Variants in CLASRP observed in about 807,000 individuals in gnomAD.
The protein encoded by CLASRP is CLK4-associating serine/arginine rich protein.
In CLASRP, 52 loss-of-function variants were observed where a neutral mutation model predicts 99.9. The ratio of observed to expected loss-of-function variants is 0.52; its 90% CI spans 0.42 to 0.66. The LOEUF (loss-of-function observed/expected upper bound fraction) is 0.66. Ranked by LOEUF, CLASRP falls within the 30% of genes least tolerant of loss-of-function variation. The pLI is 0.00. For synonymous variants in CLASRP, 379 were observed against 373.0 expected, an observed-to-expected ratio of 1.02 and a Z score of -0.18; for missense variants, 848 against 999.2, an observed-to-expected ratio of 0.85 and a Z score of 2.04.
chr19:45,067,601 G>A lies in CLASRP; in HGVS notation c.1667+7G>A, dbSNP rs1316114451. ...TGGGCGAGAAGCTGAAAAAGTGAGC[G>A]GGGCGGGTCTGGAGGAAGAGGGCTG... is the stretch of plus-strand genomic sequence containing the variant. On this transcript the variant is annotated splice_region_variant and intron_variant, in intron 14 of 20. Transcript: ENST00000221455. The surrounding 1 kb of genome is among the most constrained non-coding windows in gnomAD (Gnocchi z 4.9). 21 of 1,586,526 alleles carry A rather than the reference G, an allele frequency of 1.3e-5. No homozygotes were observed. In the East Asian group the frequency reaches 1.8e-4, roughly 14 times the overall value.
At chr19:45,053,501 G>T (rs186973171) in intron 5 of CLASRP, among the ~76,000 whole-genome samples, 2 of 151,966 alleles carry the variant, frequency 1.3e-5, no homozygotes, top group South Asian at 4.1e-4. Flanking sequence ...TATTTGAGGC[G>T]GAGTTTCGTT....
Position 45,068,506 on chromosome 19 carries a change from G to T in CLASRP, c.1768+26G>T, listed in dbSNP as rs1600117874. ...GTATGTTCTGCCCTGTCCCTCCAGG[G>T]TTTCACAGCTCTTCTTTCCCTTGGC... On this transcript the variant is annotated intron_variant, in intron 16 of 20. Coordinates refer to ENST00000221455, the MANE Select transcript of CLASRP (RefSeq NM_007056.3). The T allele has an allele frequency of 5.8e-6, 9 of 1,561,120 alleles. No individual in the cohort carries two copies. The East Asian group carries it at 1.8e-4, about 31-fold the overall frequency.
At position 45,056,487 on chromosome 19, in the gene CLASRP, T is replaced by C. The variant is rs149858875; in HGVS notation, c.417T>C (p.Asp139=). ...EEQCLYQIYI[D]ELYGGLQRPS... is the part of the protein sequence containing the mutation. ...AGTGCCTGTACCAGATCTACATTGA[T>C]GAGTTGTACGGAGGCCTCCAGAGAC... Residue 139 remains aspartate (D), a synonymous_variant, in exon 6 of 21, where the codon GAT becomes GAC. Coordinates refer to ENST00000221455, the MANE Select transcript of CLASRP (RefSeq NM_007056.3). 635 of 1,613,888 alleles carry C rather than the reference T, an allele frequency of 3.9e-4. No homozygotes were observed. The highest frequency in any genetic ancestry group is 5.0e-4 in the Middle Eastern group (3 of 6,018).
At position 45,064,175 on chromosome 19, in the gene CLASRP, C is replaced by T. The variant is rs1203810814; in HGVS notation, c.1069C>T (p.Pro357Ser). The T allele has an allele frequency of 1.9e-6, 3 of 1,609,640 alleles. No individual in the cohort carries two copies. In the East Asian group the frequency reaches 6.7e-5, roughly 36 times the overall value. Residue 357 changes from proline (P) to serine (S), a missense_variant, in exon 12 of 21, where the codon CCC becomes TCC. Around this residue, in one of 8 missense-constraint regions of CLASRP, gnomAD observed 489 missense variants for 434.7 expected, o/e 1.12. Transcript: ENST00000221455. ...AASGVTTGKP[P>S]APPQPGGPAP... ...ATCAGGAGTCACCACAGGGAAGCCC[C>T]CCGCACCTCCCCAGCCTGGCGGCCC...
In CLASRP at chr19:45,059,285, G is replaced by C. The variant is rs1285341634; in HGVS notation, c.631G>C (p.Asp211His). The C allele has an allele frequency of 6.2e-7, 1 of 1,610,570 alleles. No individual in the cohort carries two copies. Among genetic ancestry groups the C allele is most frequent in the Non-Finnish European group, 8.5e-7 (1 of 1,178,432 alleles). ...IPDIDVEVDV[D>H]ELNQEQVADL... ...TGGTGCAGACGTGGAGGTGGACGTG[G>C]ATGAATTGAACCAGGAGCAGGTGGC... Residue 211 changes from aspartate (D) to histidine (H), a missense_variant, in exon 8 of 21, where the codon GAT becomes CAT. By Grantham distance (81) the Asp-to-His change is moderately conservative. This residue lies in a region of CLASRP where 119 missense variants were observed against 170.2 expected (regional missense o/e 0.70). Coordinates refer to ENST00000221455, the MANE Select transcript of CLASRP (RefSeq NM_007056.3).
intron 11 of CLASRP, among the ~76,000 whole-genome samples, chr19:45,063,699 C>G (rs1055372416): frequency 1.3e-5 from 2 of 152,028 alleles, no homozygotes; most frequent in African/African-American, 4.8e-5. Flanking sequence ...ATCGGCCTGC[C>G]TCGGCCTCCC....
intron 13 of CLASRP, among the ~76,000 whole-genome samples, chr19:45,065,388 C>CAAAGA (rs1456182873): frequency 8.2e-5 from 7 of 84,962 alleles, no homozygotes; most frequent in Non-Finnish European, 1.7e-4. Context: ...GATTCCGTCT[C>CAAAGA]AAAAAAAAAA....
chr19:45,045,700 A>G (rs189483251), intron 2 of CLASRP, among the ~76,000 whole-genome samples: 18 of 152,272 alleles, frequency 1.2e-4, no homozygotes, highest in East Asian at 1.2e-3. Flanking sequence ...TTGGTTGCCA[A>G]TTAATGGTTT....
intron 10 of CLASRP, among the ~76,000 whole-genome samples, chr19:45,061,754 G>A (rs1302030861): frequency 6.6e-6 from 1 of 151,984 alleles, no homozygotes; most frequent in Non-Finnish European, 1.5e-5. Flanking sequence ...GATTACAGGC[G>A]TGAGCCACCG....
At chr19:45,068,130 C>A in intron 15 of CLASRP, 76 bp downstream of exon 15, 1 of 1,414,766 alleles carries the variant, frequency 7.1e-7, no homozygotes, top group Non-Finnish European at 1.0e-6. Context: ...GGTGGGCCTG[C>A]AGGGGGGCCC....
chr19:45,068,946 C>T (rs1312759520), intron 16 of CLASRP, 120 bp from the exon 17 acceptor site: 21 of 914,730 alleles, frequency 2.3e-5, no homozygotes, highest in Admixed American at 6.2e-5. Context: ...GCCAAGATCA[C>T]GCCACTGCAC....
chr19:45,046,715 A>G (rs1026771070), intron 2 of CLASRP, among the ~76,000 whole-genome samples: 2 of 152,374 alleles, frequency 1.3e-5, no homozygotes, highest in East Asian at 3.9e-4. Context: ...TCCTAGAGAC[A>G]GGATAATCCA....
At chr19:45,063,334 A>G (rs1468611987) in intron 11 of CLASRP, among the ~76,000 whole-genome samples, 1 of 151,498 alleles carries the variant, frequency 6.6e-6, no homozygotes, top group Non-Finnish European at 1.5e-5. Flanking sequence ...CTAAAATAGA[A>G]TTGCACCACA....
At chr19:45,063,001 G>A (rs1966976234) in intron 11 of CLASRP, among the ~76,000 whole-genome samples, 1 of 152,130 alleles carries the variant, frequency 6.6e-6, no homozygotes, top group South Asian at 2.1e-4. Flanking sequence ...ATGGGGGTGG[G>A]AATGGGATCT....
intron 2 of CLASRP, among the ~76,000 whole-genome samples, chr19:45,046,917 C>G (rs1171361815): frequency 6.6e-6 from 1 of 152,124 alleles, no homozygotes; most frequent in Non-Finnish European, 1.5e-5. Context: ...GTTCCAGCTA[C>G]CTGGGAGGCT....
At chr19:45,064,295 G>A (rs780661184) in intron 12 of CLASRP, 48 bp from the exon 13 acceptor site, 13 of 1,507,782 alleles carry the variant, frequency 8.6e-6, no homozygotes, top group South Asian at 1.3e-5. Flanking sequence ...GCAGAGGGGG[G>A]CCGCGGCTCA....
chr19:45,068,073 C>T lies in CLASRP; in HGVS notation c.1707+19C>T. 1 of 1,612,754 alleles carries T rather than the reference C, an allele frequency of 6.2e-7. No individual in the cohort carries two copies. The highest frequency in any genetic ancestry group is 8.5e-7 in the Non-Finnish European group (1 of 1,178,838). ...TGCCAAAGTCAGTAAGAATTTGGAA[C>T]TCGCCCGTCTAATTCCCGTCAGCAG... is the stretch of plus-strand genomic sequence containing the variant. On this transcript the variant is annotated intron_variant, in intron 15 of 20. Transcript: ENST00000221455.
intron 3 of CLASRP, among the ~76,000 whole-genome samples, chr19:45,052,455 G>A (rs1029586162): frequency 2.6e-5 from 4 of 152,190 alleles, no homozygotes; most frequent in African/African-American, 9.7e-5. Flanking sequence ...CCAGACCCGA[G>A]CTGGCTCAGG....
At chr19:45,061,938 C>G (rs1385346285) in intron 10 of CLASRP, among the ~76,000 whole-genome samples, 2 of 149,206 alleles carry the variant, frequency 1.3e-5, no homozygotes. Flanking sequence ...CATGATGGGT[C>G]TAGGACATTG....
Sources: allele counts gnomAD v4.1 joint callset (sites outside exome capture counted in the v4.1 genomes callset), GRCh38; gene constraint gnomAD v4.1.1; regional missense constraint gnomAD v4.1.1; non-coding constraint Gnocchi (gnomAD v3.1); transcripts MANE v1.5; gene names NCBI Gene and HGNC (gene_info 2026-07-23, HGNC 2026-07-21).